Variants in SNX1 observed in about 807,000 individuals in gnomAD.
SNX1 encodes sorting nexin-1.
A neutral mutation model predicts 71.8 loss-of-function variants in SNX1; 36 were observed. The observed-to-expected ratio is 0.50, with a 90% confidence interval of 0.38 to 0.66. The LOEUF (loss-of-function observed/expected upper bound fraction) is 0.66, where lower values mean the gene tolerates loss of function less well. SNX1 is among the 30% of genes least tolerant of loss of function. The pLI, the probability that SNX1 is intolerant of heterozygous loss-of-function variation, is 0.00. For synonymous variants in SNX1, 254 were observed against 240.7 expected, an observed-to-expected ratio of 1.06 and a Z score of -0.51; for missense variants, 612 against 646.7, an observed-to-expected ratio of 0.95 and a Z score of 0.58.
chr15:64,130,435 C>A, intron 10 of SNX1, 114 bp downstream of exon 10: 1 of 820,258 alleles, frequency 1.2e-6, no homozygotes, highest in Non-Finnish European at 2.1e-6. Context: ...AAATTCTCAG[C>A]CCACCTGGTC....
intron 8 of SNX1, 116 bp downstream of exon 8, chr15:64,127,922 A>G: frequency 1.4e-6 from 1 of 694,730 alleles, no homozygotes; most frequent in Non-Finnish European, 2.5e-6. Context: ...ACTGTATCCT[A>G]GTTTTGTGTG....
At chr15:64,123,674 A>G (rs2140149928) in intron 5 of SNX1, 128 bp downstream of exon 5, 1 of 750,300 alleles carries the variant, frequency 1.3e-6, no homozygotes. Context: ...TACTCAAGAT[A>G]GAGCAAGCCT....
At chr15:64,119,234 T>C (rs1163691577) in intron 4 of SNX1, among the ~76,000 whole-genome samples, 2 of 152,122 alleles carry the variant, frequency 1.3e-5, no homozygotes, top group Admixed American at 6.5e-5. Flanking sequence ...TCCTCCCGCC[T>C]GAGCCACCCC....
At chr15:64,127,015 T>C (rs569758791) in intron 6 of SNX1, among the ~76,000 whole-genome samples, 159 bp from the exon 7 acceptor site, 1 of 152,166 alleles carries the variant, frequency 6.6e-6, no homozygotes, top group African/African-American at 2.4e-5. Context: ...GTGGCTCTCA[T>C]GTAAAGAACC....
chr15:64,114,575 C>T (rs2081109821), intron 2 of SNX1, among the ~76,000 whole-genome samples: 3 of 152,106 alleles, frequency 2.0e-5, no homozygotes, highest in Non-Finnish European at 4.4e-5. Context: ...AAGAGCTGGA[C>T]ATATGGGAAT....
At chr15:64,119,002 A>G (rs913255244) in intron 4 of SNX1, 148 bp downstream of exon 4, 15 of 600,824 alleles carry the variant, frequency 2.5e-5, no homozygotes, top group Middle Eastern at 2.7e-4. Context: ...ACCCCTTGCT[A>G]TGTTTCTAAG....
In SNX1 at chr15:64,126,086, T is replaced by C. The variant is rs750128841; in HGVS notation, c.518T>C (p.Leu173Ser). The change falls in exon 6 of 15, where the codon TTA becomes TCA. Residue 173 changes from leucine (L) to serine (S), a missense_variant. Leu to Ser is a moderately radical substitution (Grantham distance 145). Around this residue, in one of 2 missense-constraint regions of SNX1, gnomAD observed 316 missense variants for 284.9 expected, o/e 1.11. Transcript: ENST00000559844. ...VAYKVTTQTS[L>S]PLFRSKQFAV... Reference sequence around the variant, plus strand: ...TTTTTTCCTGTCCCCAAGACAAGCTTACCATTGTTCAGAAGCAAACAGTTT... The same window carrying C: ...TTTTTTCCTGTCCCCAAGACAAGCTCACCATTGTTCAGAAGCAAACAGTTT... The C allele has an allele frequency of 1.3e-5, 21 of 1,614,034 alleles. No individual in the cohort carries two copies. The South Asian group carries it at 2.3e-4, about 18-fold the overall frequency.
chr15:64,126,021 T>G (rs1052929042), intron 5 of SNX1, 58 bp from the exon 6 acceptor site: 5 of 1,577,962 alleles, frequency 3.2e-6, no homozygotes, highest in Non-Finnish European at 4.4e-6. Flanking sequence ...AGGATGACTT[T>G]CAAGATACCA....
chr15:64,130,469 G>A (rs2081295466), intron 10 of SNX1, 148 bp downstream of exon 10: 1 of 667,502 alleles, frequency 1.5e-6, no homozygotes, highest in Non-Finnish European at 2.6e-6. Context: ...TAAAAAAAAG[G>A]TATGCCCTGT....
At position 64,127,822 on chromosome 15, in the gene SNX1, A is replaced by G; in HGVS notation, c.807+16A>G. 6.3e-7 allele frequency: 1 copy of G among 1,591,938 alleles called. No individual in the cohort carries two copies. The highest frequency in any genetic ancestry group is 8.6e-7 in the Non-Finnish European group (1 of 1,160,400). On this transcript the variant is annotated intron_variant, in intron 8 of 14. Transcript: ENST00000559844. ...AAAAGAAGAGGTTAGTATTCAGTGC[A>G]AACTGAATTTCATAATTTATATCTG...
intron 11 of SNX1, among the ~76,000 whole-genome samples, chr15:64,132,853 A>G (rs556961258): frequency 2.0e-5 from 3 of 152,182 alleles, no homozygotes; most frequent in Non-Finnish European, 4.4e-5. Flanking sequence ...TCCCATTGCT[A>G]TTTGGTTTGC....
intron 1 of SNX1, among the ~76,000 whole-genome samples, chr15:64,108,037 CA>C (rs1365172786): frequency 6.6e-6 from 1 of 151,814 alleles, no homozygotes; most frequent in Admixed American, 6.6e-5. Flanking sequence ...ACTAAAAATA[CA>C]AAAAATTAGC....
rs149876534 is a variant in SNX1, at chr15:64,128,815, G to A, written c.807+1009G>A. ...TTCTTTGTTGTAGGGGTTGTCCTAT[G>A]CATTGTAGAGGGTTTTAGCAGCATT... On this transcript the variant is annotated intron_variant, in intron 8 of 14. Transcript: ENST00000559844. Among the ~76,000 whole-genome samples, 270 of 152,244 alleles carry A rather than the reference G, an allele frequency of 1.8e-3. 1 individual carries two copies. The highest frequency in any genetic ancestry group is 6.4e-3 in the African/African-American group (266 of 41,540).
At chr15:64,130,914 GT>G (rs2081299765) in intron 10 of SNX1, among the ~76,000 whole-genome samples, 2 of 152,192 alleles carry the variant, frequency 1.3e-5, no homozygotes, top group Non-Finnish European at 1.5e-5. Context: ...ACAAATTTAG[GT>G]TTTTACATTT....
In SNX1 at chr15:64,138,227, C is replaced by T; in HGVS notation, c.*609C>T. Reference sequence around the variant, plus strand: ...CTCAATCTGTTTCGTATTCCCACTTCTTTAGGGAAGGAGTTTTAAAAACAT... The same window carrying T: ...CTCAATCTGTTTCGTATTCCCACTTTTTTAGGGAAGGAGTTTTAAAAACAT... On this transcript the variant is annotated 3_prime_UTR_variant, in exon 15 of 15. Coordinates refer to ENST00000559844, the MANE Select transcript of SNX1 (RefSeq NM_003099.5). 1 of 1,485,048 alleles carries T rather than the reference C, an allele frequency of 6.7e-7. No homozygotes were observed. Among genetic ancestry groups the T allele is most frequent in the Non-Finnish European group, 8.9e-7 (1 of 1,127,596 alleles). The allele number at this position is 1,485,048 out of a possible 1,614,324, so 92.0% of individuals were successfully genotyped here.
In SNX1 at chr15:64,131,691, A is replaced by G. The variant is rs1305857686; in HGVS notation, c.1020A>G (p.Leu340=). ...VETLVNHRKE[L]ALNTAQFAKS... ...GCTGTCTTTTCCTCCTTCCAGAGCT[A>G]GCGCTGAACACAGCCCAGTTTGCAA... Residue 340 remains leucine (L), a synonymous_variant, in exon 11 of 15, where the codon CTA becomes CTG. Transcript: ENST00000559844. 1.9e-6 allele frequency: 3 copies of G among 1,613,866 alleles called. No homozygotes were observed. The highest frequency in any genetic ancestry group is 2.5e-6 in the Non-Finnish European group (3 of 1,180,020).
intron 4 of SNX1, among the ~76,000 whole-genome samples, chr15:64,120,266 C>CTT (rs35526278): frequency 1.3e-3 from 87 of 67,068 alleles, no homozygotes; most frequent in Non-Finnish European, 1.6e-3. Flanking sequence ...AAATGGTTGT[C>CTT]TTTTTTTTTT....
At chr15:64,123,753 C>T (rs1305849161) in intron 5 of SNX1, among the ~76,000 whole-genome samples, 1 of 152,156 alleles carries the variant, frequency 6.6e-6, no homozygotes, top group African/African-American at 2.4e-5. Flanking sequence ...AGAAAGCTAA[C>T]ATTTCAGTGT....
intron 1 of SNX1, among the ~76,000 whole-genome samples, chr15:64,101,447 T>C (rs1205550745): frequency 6.6e-6 from 1 of 152,246 alleles, no homozygotes; most frequent in Non-Finnish European, 1.5e-5. Context: ...AAGATTTTCT[T>C]CTTTTTTAAG....
Sources: allele counts gnomAD v4.1 joint callset (sites outside exome capture counted in the v4.1 genomes callset), GRCh38; gene constraint gnomAD v4.1.1; regional missense constraint gnomAD v4.1.1; transcripts MANE v1.5; gene names NCBI Gene and HGNC (gene_info 2026-07-23, HGNC 2026-07-21).